ZNF34: variants seen among roughly 807,000 people sequenced by gnomAD.
ZNF34 encodes zinc finger protein 34 (KOX 32).
A neutral mutation model predicts 14.4 loss-of-function variants in ZNF34; 8 were observed. The observed-to-expected ratio is 0.55, with a 90% CI of 0.33 to 1.00. The LOEUF is 1.00. ZNF34 is among the 50% of genes least tolerant of loss of function. The pLI is 0.03. For missense variants in ZNF34, 538 were observed against 674.2 expected, an observed-to-expected ratio of 0.80 and a Z score of 2.24; for synonymous variants, 235 against 247.9, an observed-to-expected ratio of 0.95 and a Z score of 0.49.
chr8:144,776,433 C>G lies in ZNF34; in HGVS notation c.280+1025G>C, dbSNP rs752982137. Among the ~76,000 whole-genome samples the G allele has an allele frequency of 1.1e-4, 16 of 151,594 alleles. 1 individual carries two copies. Among genetic ancestry groups the G allele is most frequent in the South Asian group, 8.4e-4 (4 of 4,774 alleles). ...TGGTCAACACAGTGAAACCCTGTCT[C>G]TACTAAAAATACAAAAATTAGCCAG... On this transcript the variant is annotated intron_variant, in intron 5 of 5. Transcript: ENST00000429371.
chr8:144,782,003 T>C (rs990434527), intron 1 of ZNF34, among the ~76,000 whole-genome samples: 1 of 150,926 alleles, frequency 6.6e-6, no homozygotes. Context: ...CTGGCCAACA[T>C]GGTGAAACCC....
At chr8:144,782,942 AT>A (rs1355499806) in intron 1 of ZNF34, among the ~76,000 whole-genome samples, 2 of 149,518 alleles carry the variant, frequency 1.3e-5, no homozygotes, top group Non-Finnish European at 3.0e-5. Context: ...AAGAGTGTAT[AT>A]TTAGGGCAAT....
chr8:144,785,106 C>CAAAAA lies in ZNF34; in HGVS notation c.-108+2168_-108+2172dup, dbSNP rs749277788. 1.1e-3 allele frequency among the ~76,000 whole-genome samples: 55 copies of CAAAAA among 49,888 alleles called. 5 individuals are homozygous for CAAAAA. Among genetic ancestry groups the CAAAAA allele is most frequent in the Admixed American group, 2.3e-3 (10 of 4,358 alleles). 32.7% of individuals were successfully genotyped at this position (49,888 alleles called of 152,430 possible). On this transcript the variant is annotated intron_variant, in intron 1 of 5. Transcript: ENST00000429371. ...CACTCCAGCCTTAGCCAGACCCTGC[C>CAAAAA]AAAAAAAAAAAAAAAAAAAAAAAGA...
rs1442874732 is a variant in ZNF34 at position 144,773,380 on chromosome 8, C to A, written c.1506G>T (p.Arg502Ser). 1.2e-6 allele frequency: 2 copies of A among 1,612,546 alleles called. No homozygotes were observed. Among genetic ancestry groups the A allele is most frequent in the Admixed American group, 3.3e-5 (2 of 59,850 alleles). Reference protein sequence around the residue: ...SQSTYLIQHRRIHTGEKPYKC... With the variant: ...SQSTYLIQHRSIHTGEKPYKC... ...TGTAGGGCTTCTCCCCGGTGTGGAT[C>A]CTCCGGTGCTGAATCAAGTACGTGC... Residue 502 changes from arginine (R) to serine (S), a missense_variant, in exon 6 of 6, where the codon AGG (arginine) becomes AGT (serine). Physicochemically the swap from Arg to Ser is moderately radical, Grantham distance 110. Coordinates refer to ENST00000429371, the MANE Select transcript of ZNF34 (RefSeq NM_001286769.2). The surrounding 1 kb of genome is among the most constrained non-coding windows in gnomAD (Gnocchi z 5.4).
At position 144,773,327 on chromosome 8, in the gene ZNF34, C is replaced by T. The variant is rs541327618; in HGVS notation, c.1559G>A (p.Arg520Gln). 4 of 1,614,030 alleles carry T rather than the reference C, an allele frequency of 2.5e-6. No individual in the cohort carries two copies. Among genetic ancestry groups the T allele is most frequent in the East Asian group, 2.2e-5 (1 of 44,882 alleles). ...ATGCTGACACATGTTGGAACTGTGC[C>T]GGAAGGCCTTCCCACACTCGCTGCA... ...YKCSECGKAF[R>Q]HSSNMCQHQR... Residue 520 changes from arginine (R) to glutamine (Q), a missense_variant, in exon 6 of 6, where the codon CGG (arginine) becomes CAG (glutamine). Arg to Gln is a conservative substitution (Grantham distance 43). This residue lies in a region of ZNF34 where 101 missense variants were observed against 123.1 expected (regional missense o/e 0.82). Coordinates refer to ENST00000429371, the MANE Select transcript of ZNF34 (RefSeq NM_001286769.2). The surrounding 1 kb of genome is among the most constrained non-coding windows in gnomAD (Gnocchi z 5.4).
Position 144,777,907 on chromosome 8 carries a change from A to T in ZNF34, c.160+131T>A, listed in dbSNP as rs1407825026. On this transcript the variant is annotated intron_variant, in intron 4 of 5. Coordinates refer to ENST00000429371, the MANE Select transcript of ZNF34 (RefSeq NM_001286769.2). The surrounding 1 kb of genome is among the most constrained non-coding windows in gnomAD (Gnocchi z 4.8). ...GCACTGCTCTTCCCCTCATCTTCTC[A>T]GATCAGGTGCCTGCCTGGGATAAAG... is the stretch of plus-strand genomic sequence containing the variant. The T allele has an allele frequency of 3.7e-6, 5 of 1,364,516 alleles. No homozygotes were observed. Among genetic ancestry groups the T allele is most frequent in the Non-Finnish European group, 5.0e-6 (5 of 995,696 alleles). 84.5% of individuals were successfully genotyped at this position (1,364,516 alleles called of 1,614,324 possible).
chr8:144,775,350 G>A (rs1424584554), intron 5 of ZNF34, among the ~76,000 whole-genome samples: 1 of 152,230 alleles, frequency 6.6e-6, no homozygotes, highest in Non-Finnish European at 1.5e-5. Context: ...CTATGAAAAT[G>A]CTGACTCAGT....
chr8:144,780,563 G>T (rs1208294395), intron 1 of ZNF34, among the ~76,000 whole-genome samples: 3 of 152,208 alleles, frequency 2.0e-5, no homozygotes, highest in African/African-American at 7.2e-5. Flanking sequence ...TGAGGCGGGT[G>T]GATCACCTGA....
rs1015355834 is a variant in ZNF34, at chr8:144,772,313, G to C, written c.*953C>G. Among the ~76,000 whole-genome samples the C allele has an allele frequency of 1.3e-5, 2 of 152,162 alleles. No homozygotes were observed. Among genetic ancestry groups the C allele is most frequent in the Non-Finnish European group, 2.9e-5 (2 of 68,034 alleles). On this transcript the variant is annotated 3_prime_UTR_variant, in exon 6 of 6. Coordinates refer to ENST00000429371, the MANE Select transcript of ZNF34 (RefSeq NM_001286769.2). ...TTGAGGTTACCAGCAGTAGGGAGAA[G>C]GGGGAAATGAAGAGTTATTATTTAA...
chr8:144,781,655 T>C (rs927601812), intron 1 of ZNF34, among the ~76,000 whole-genome samples: 5 of 151,806 alleles, frequency 3.3e-5, no homozygotes, highest in Admixed American at 6.6e-5. Context: ...TACTGAACAT[T>C]ACCAAAAAAA....
At chr8:144,778,825 T>C (rs1208751506) in intron 2 of ZNF34, among the ~76,000 whole-genome samples, 2 of 152,012 alleles carry the variant, frequency 1.3e-5, no homozygotes, top group South Asian at 2.1e-4. Context: ...CTCGACCTCC[T>C]GAGCTCAAGC....
chr8:144,784,458 TA>T (rs397891745), intron 1 of ZNF34, among the ~76,000 whole-genome samples: 64,237 of 125,950 alleles, frequency 0.51, 15,684 homozygotes, highest in Middle Eastern at 0.54. Context: ...ACCTAAACAT[TA>T]AAAAAAAAAA....
Position 144,772,632 on chromosome 8 carries a change from C to T in ZNF34, c.*634G>A, listed in dbSNP as rs1371455108. Among the ~76,000 whole-genome samples, 4 of 152,216 alleles carry T rather than the reference C, an allele frequency of 2.6e-5. No individual in the cohort carries two copies. Among genetic ancestry groups the T allele is most frequent in the African/African-American group, 9.6e-5 (4 of 41,462 alleles). ...TTGGCTCACTGCAACCTCCGCCTCC[C>T]AGGTTCAAGCAATGCTCCTGCCTCA... is the stretch of plus-strand genomic sequence containing the variant. On this transcript the variant is annotated 3_prime_UTR_variant, in exon 6 of 6. Transcript: ENST00000429371.
chr8:144,778,855 C>T (rs780161198), intron 2 of ZNF34, among the ~76,000 whole-genome samples: 41 of 152,114 alleles, frequency 2.7e-4, no homozygotes, highest in Admixed American at 2.7e-3. Context: ...ACCTCAGCCT[C>T]CTGAGTAGCT....
chr8:144,777,703 C>A lies in ZNF34; in HGVS notation c.161-126G>T. 5.9e-6 allele frequency: 7 copies of A among 1,187,822 alleles called. No homozygotes were observed. The highest frequency in any genetic ancestry group is 5.8e-6 in the Non-Finnish European group (5 of 860,664). The allele number at this position is 1,187,822 out of a possible 1,614,324, so 73.6% of individuals were successfully genotyped here. On this transcript the variant is annotated intron_variant, in intron 4 of 5. Coordinates refer to ENST00000429371, the MANE Select transcript of ZNF34 (RefSeq NM_001286769.2). The surrounding 1 kb of genome is among the most constrained non-coding windows in gnomAD (Gnocchi z 4.8). ...GGGGTGATGGAAGCCTGGACACTCT[C>A]TGGAGGGCACTGAGATTGGGCTGGG...
At chr8:144,787,125 G>C (rs1168497590) in intron 1 of ZNF34, among the ~76,000 whole-genome samples, 154 bp downstream of exon 1, 1 of 25,416 alleles carries the variant, frequency 3.9e-5, no homozygotes, top group Non-Finnish European at 7.0e-5. Context: ...GCCTTGTCCG[G>C]GGGGTCCCTC....
At chr8:144,775,935 C>T (rs968897589) in intron 5 of ZNF34, among the ~76,000 whole-genome samples, 1 of 152,224 alleles carries the variant, frequency 6.6e-6, no homozygotes, top group Admixed American at 6.5e-5. Context: ...TTTTGGCCTG[C>T]ACTTGCACTG....
At chr8:144,774,766 C>G (rs757355221) in intron 5 of ZNF34, among the ~76,000 whole-genome samples, 161 bp from the exon 6 acceptor site, 5 of 152,220 alleles carry the variant, frequency 3.3e-5, no homozygotes, top group Non-Finnish European at 7.3e-5. Flanking sequence ...ATGCAGCTCA[C>G]CTGGGGCCAC....
chr8:144,773,438 C>T lies in ZNF34; in HGVS notation c.1448G>A (p.Arg483Lys). 1.2e-6 allele frequency: 2 copies of T among 1,612,996 alleles called. No homozygotes were observed. The highest frequency in any genetic ancestry group is 1.7e-6 in the Non-Finnish European group (2 of 1,179,762). ...QRLHHGEKPY[R>K]CSDCKKAFSQ... ...GAAGGCTTTCTTGCAATCGCTGCAT[C>T]TGTAGGGTTTCTCTCCGTGGTGCAG... is the stretch of plus-strand genomic sequence containing the variant. The change falls in exon 6 of 6, where the codon AGA (arginine) becomes AAA (lysine). Residue 483 changes from arginine (R) to lysine (K), a missense_variant. Physicochemically the swap from Arg to Lys is conservative, Grantham distance 26. This residue lies in a region of ZNF34 where 101 missense variants were observed against 123.1 expected (regional missense o/e 0.82). Transcript: ENST00000429371. This position sits in a 1 kb window ranked among gnomAD's most constrained non-coding sequence, Gnocchi z 5.4.
Sources: gnomAD v4.1 joint callset for allele counts (sites outside exome capture counted in the v4.1 genomes callset) on GRCh38, gnomAD v4.1.1 for gene constraint, gnomAD v4.1.1 regional missense constraint, Gnocchi (gnomAD v3.1) non-coding constraint, MANE v1.5 for transcripts, NCBI Gene and HGNC (gene_info 2026-07-23, HGNC 2026-07-21) for gene names.